MBTPS1: variants seen among roughly 807,000 people sequenced by gnomAD.
MBTPS1 encodes membrane bound transcription factor peptidase, site 1.
In MBTPS1, 94 loss-of-function variants were observed where a neutral mutation model predicts 127.8. The observed-to-expected ratio is 0.74, with a 90% CI of 0.62 to 0.87. The LOEUF is 0.87. MBTPS1 is among the 40% of genes least tolerant of loss of function. The pLI, the probability that MBTPS1 is intolerant of heterozygous loss-of-function variation, is 0.00. For synonymous variants in MBTPS1, 632 were observed against 509.4 expected (o/e 1.24, Z -3.24); for missense variants, 1,636 against 1,353.2 (o/e 1.21, Z -3.28).
At chr16:84,104,573 T>C (rs527409599) in intron 1 of MBTPS1, among the ~76,000 whole-genome samples, 2 of 152,304 alleles carry the variant, frequency 1.3e-5, no homozygotes, top group African/African-American at 4.8e-5. Context: ...AATTAAGTAA[T>C]AGTACTGAGA....
intron 9 of MBTPS1, chr16:84,085,999 G>A (rs1223082365): frequency 1.3e-5 from 2 of 152,134 alleles, no homozygotes; most frequent in African/African-American, 4.8e-5. Flanking sequence ...GTTTTAATAA[G>A]TACTTGCTTA....
At chr16:84,093,136 T>G in intron 6 of MBTPS1, 52 bp downstream of exon 6, 2 of 1,228,954 alleles carry the variant, frequency 1.6e-6, no homozygotes, top group South Asian at 1.2e-5. Flanking sequence ...GATTCTGCTT[T>G]TTACATTTCA....
At chr16:84,102,486 A>T (rs1226326192) in intron 1 of MBTPS1, among the ~76,000 whole-genome samples, 2 of 152,200 alleles carry the variant, frequency 1.3e-5, no homozygotes, top group Non-Finnish European at 2.9e-5. Flanking sequence ...AAAACAATAA[A>T]ATCAATGAGA....
chr16:84,084,916 G>A (rs529388454), intron 10 of MBTPS1, 67 bp downstream of exon 10: 3 of 1,542,878 alleles, frequency 1.9e-6, no homozygotes, highest in Non-Finnish European at 2.7e-6. Context: ...CACGACTCCT[G>A]CTCTGCTGGC....
intron 22 of MBTPS1, among the ~76,000 whole-genome samples, chr16:84,055,049 G>A (rs2085501328): frequency 6.6e-6 from 1 of 152,208 alleles, no homozygotes; most frequent in Non-Finnish European, 1.5e-5. Context: ...CAGCTGAGTG[G>A]GAGGAGGAGA....
At chr16:84,100,106 C>A (rs962809883) in intron 2 of MBTPS1, among the ~76,000 whole-genome samples, 1 of 152,210 alleles carries the variant, frequency 6.6e-6, no homozygotes, top group African/African-American at 2.4e-5. Context: ...TACAATGGCA[C>A]CTGTTCCAAA....
intron 1 of MBTPS1, among the ~76,000 whole-genome samples, chr16:84,108,103 A>G (rs1157749573): frequency 6.6e-6 from 1 of 152,058 alleles, no homozygotes; most frequent in Admixed American, 6.6e-5. Context: ...ACATCTATTC[A>G]GCTGTGACGA....
At position 84,063,299 on chromosome 16, in the gene MBTPS1, T is replaced by C. The variant is rs1341222574; in HGVS notation, c.2572+6A>G. On this transcript the variant is annotated splice_donor_region_variant and intron_variant, in intron 19 of 22. Transcript: ENST00000343411. Reference sequence around the variant, plus strand: ...AAGTCACAAAGTCCATCTGCGTTTTTCCTACCCTTCTGTCGGTGACTGTCA... The same window carrying C: ...AAGTCACAAAGTCCATCTGCGTTTTCCCTACCCTTCTGTCGGTGACTGTCA... The C allele has an allele frequency of 5.6e-6, 9 of 1,606,332 alleles. No individual in the cohort carries two copies. Among genetic ancestry groups the C allele is most frequent in the African/African-American group, 2.7e-5 (2 of 74,820 alleles).
intron 16 of MBTPS1, among the ~76,000 whole-genome samples, chr16:84,067,429 T>C (rs1597310976): frequency 6.6e-6 from 1 of 152,210 alleles, no homozygotes; most frequent in African/African-American, 2.4e-5. Context: ...CTCAGCTCAC[T>C]GCAGCCTTGG....
In MBTPS1 at chr16:84,065,749, C is replaced by T; in HGVS notation, c.2372G>A (p.Cys791Tyr). The change falls in exon 18 of 23, where the codon TGC becomes TAC. Residue 791 changes from cysteine (C) to tyrosine (Y), a missense_variant. Coordinates refer to ENST00000343411, the MANE Select transcript of MBTPS1 (RefSeq NM_003791.4). ...ATCTTCTGGAAACTTCGCGATGCTG[C>T]ACCCTGACGCATAATACACTAGGAA... ...ANHDMYYASGCSIAKFPEDGV... is the reference protein window; with the variant it reads ...ANHDMYYASGYSIAKFPEDGV... 6.2e-7 allele frequency: 1 copy of T among 1,606,348 alleles called. No homozygotes were observed. The highest frequency in any genetic ancestry group is 8.5e-7 in the Non-Finnish European group (1 of 1,177,354).
At chr16:84,062,196 C>G (rs2085623164) in intron 19 of MBTPS1, among the ~76,000 whole-genome samples, 1 of 152,204 alleles carries the variant, frequency 6.6e-6, no homozygotes, top group Non-Finnish European at 1.5e-5. Context: ...TCTCGGCTCA[C>G]TGCAACCTCT....
intron 15 of MBTPS1, among the ~76,000 whole-genome samples, chr16:84,068,072 G>C (rs71404145): frequency 6.6e-6 from 1 of 152,060 alleles, no homozygotes; most frequent in Admixed American, 6.5e-5. Flanking sequence ...TTGAGAAGGA[G>C]CAAAATATAT....
chr16:84,101,951 T>G lies in MBTPS1; in HGVS notation c.-168A>C. The G allele has an allele frequency of 1.6e-6, 1 of 623,176 alleles. No individual in the cohort carries two copies. The highest frequency in any genetic ancestry group is 2.1e-5 in the South Asian group (1 of 47,552). 38.6% of individuals were successfully genotyped at this position (623,176 alleles called of 1,614,324 possible). On this transcript the variant is annotated 5_prime_UTR_variant, in exon 2 of 23. Transcript: ENST00000343411. Reference sequence around the variant, plus strand: ...GTTAAATCCCATGGCCTTTTGTGGTTCAGCCTGAAGAGAGGCTTTCATTTC... The same window carrying G: ...GTTAAATCCCATGGCCTTTTGTGGTGCAGCCTGAAGAGAGGCTTTCATTTC...
At chr16:84,085,480 G>A (rs371025461) in intron 9 of MBTPS1, among the ~76,000 whole-genome samples, 46 of 151,930 alleles carry the variant, frequency 3.0e-4, no homozygotes, top group Admixed American at 1.4e-3. Flanking sequence ...ACCTGAGCCC[G>A]GGAGGTCAAG....
intron 12 of MBTPS1, 96 bp downstream of exon 12, chr16:84,074,501 C>G: frequency 7.4e-7 from 1 of 1,350,108 alleles, no homozygotes; most frequent in South Asian, 1.4e-5. Flanking sequence ...AGAACTTTTC[C>G]TTTTTTAACT....
At chr16:84,072,738 C>T (rs1425042765) in intron 12 of MBTPS1, among the ~76,000 whole-genome samples, 3 of 152,074 alleles carry the variant, frequency 2.0e-5, no homozygotes, top group African/African-American at 7.2e-5. Flanking sequence ...TGCAGTGAGC[C>T]GAGATCGTGC....
Position 84,054,516 on chromosome 16 carries a change from C to T in MBTPS1, c.3092G>A (p.Arg1031Lys), listed in dbSNP as rs777035069. Residue 1031 changes from arginine to lysine, a missense_variant, in exon 23 of 23, where the codon AGG becomes AAG. Transcript: ENST00000343411. ...CTGCGGGCGCTTCACCCTGGGCTTC[C>T]TCCGCTTCGGCCTGCTCTTGGCCTT... ...INKAKSRPKR[R>K]KPRVKRPQLM... 1.9e-6 allele frequency: 3 copies of T among 1,613,900 alleles called. No individual in the cohort carries two copies. The highest frequency in any genetic ancestry group is 2.5e-6 in the Non-Finnish European group (3 of 1,179,884).
intron 11 of MBTPS1, among the ~76,000 whole-genome samples, chr16:84,079,199 G>A (rs1257649345): frequency 2.0e-5 from 3 of 152,236 alleles, no homozygotes; most frequent in African/African-American, 7.2e-5. Flanking sequence ...AGCTCCCTGA[G>A]GCCTCCCCAG....
At chr16:84,086,936 A>T (rs1257414559) in intron 9 of MBTPS1, among the ~76,000 whole-genome samples, 1 of 152,178 alleles carries the variant, frequency 6.6e-6, no homozygotes, top group Non-Finnish European at 1.5e-5. Flanking sequence ...GTTGATATTA[A>T]GCTGTTCTCA....
Sources: gnomAD v4.1 joint callset for allele counts (sites outside exome capture counted in the v4.1 genomes callset) on GRCh38, gnomAD v4.1.1 for gene constraint, MANE v1.5 for transcripts, NCBI Gene and HGNC (gene_info 2026-07-23, HGNC 2026-07-21) for gene names.